The following TRDN variants were observed in gnomAD, a reference collection of about 807,000 sequenced individuals.
TRDN encodes triadin.
In TRDN, 161 loss-of-function variants were observed where a neutral mutation model predicts 149.7. That is an observed-to-expected ratio of 1.08 (90% confidence interval 0.95 to 1.23). TRDN has a LOEUF of 1.23. Among genes scored for constraint, TRDN ranks in the 50% most tolerant of loss-of-function variants. The pLI is 0.00. For missense variants in TRDN, 896 were observed against 823.5 expected (o/e 1.09, Z -1.08); for synonymous variants, 294 against 250.5 (o/e 1.17, Z -1.64).
At chr6:123,525,945 C>CAT (rs890710432) in intron 5 of TRDN, among the ~76,000 whole-genome samples, 6 of 152,040 alleles carry the variant, frequency 3.9e-5, no homozygotes, top group East Asian at 1.9e-4. Flanking sequence ...GCGAATGTTA[C>CAT]ATATATATAT....
chr6:123,519,803 C>A (rs1779591467), intron 5 of TRDN, among the ~76,000 whole-genome samples: 1 of 151,532 alleles, frequency 6.6e-6, no homozygotes, highest in African/African-American at 2.4e-5. Flanking sequence ...CTTTGAGGAG[C>A]ATCATTACCT....
intron 5 of TRDN, chr6:123,529,531 GCAA>G (rs1440389693): frequency 3.2e-6 from 2 of 615,790 alleles, no homozygotes; most frequent in East Asian, 3.1e-5. Flanking sequence ...AAAAACAACA[GCAA>G]CAACATGGCA....
chr6:123,443,516 G>T (rs965654334), intron 10 of TRDN, among the ~76,000 whole-genome samples: 11 of 152,052 alleles, frequency 7.2e-5, no homozygotes, highest in Non-Finnish European at 1.6e-4. Flanking sequence ...GGCCTGGCTG[G>T]GCACGGTGGC....
chr6:123,499,422 G>C (rs1460605275), intron 8 of TRDN, among the ~76,000 whole-genome samples: 1 of 151,684 alleles, frequency 6.6e-6, no homozygotes, highest in East Asian at 1.9e-4. Context: ...TTCCACATTG[G>C]AGCATTCAAC....
At chr6:123,478,061 TA>T (rs1237107250) in intron 9 of TRDN, among the ~76,000 whole-genome samples, 6 of 125,302 alleles carry the variant, frequency 4.8e-5, no homozygotes, top group South Asian at 2.7e-4. Context: ...AGTATAATAA[TA>T]AAAAAAAAGA....
At chr6:123,267,007 T>C (rs1300641339) in intron 32 of TRDN, among the ~76,000 whole-genome samples, 2 of 138,722 alleles carry the variant, frequency 1.4e-5, no homozygotes, top group Non-Finnish European at 3.0e-5. Flanking sequence ...CTCGGGAGGC[T>C]GAGGTAGGAG....
intron 5 of TRDN, among the ~76,000 whole-genome samples, chr6:123,523,199 A>G (rs556476949): frequency 3.7e-4 from 57 of 152,264 alleles, no homozygotes; most frequent in African/African-American, 1.3e-3. Flanking sequence ...GGCTTTTGCC[A>G]AGGGACTACA....
Position 123,255,114 on chromosome 6 carries a change from T to C in TRDN, c.1918A>G (p.Lys640Glu). ...ACATTGTGTAATTGAAGACTTTCTT[T>C]TCTTGTTGAGACTGTTAATAAGGAA... ...HLREEKVSTR[K>E]ESLQLHNVTK... Residue 640 changes from lysine to glutamate, a missense_variant, in exon 37 of 41, where the codon AAA (lysine) becomes GAA (glutamate). By Grantham distance (56) the Lys-to-Glu change is moderately conservative (BLOSUM62 1). Transcript: ENST00000334268. 4.4e-6 allele frequency: 6 copies of C among 1,363,988 alleles called. No individual in the cohort carries two copies. Among genetic ancestry groups the C allele is most frequent in the Non-Finnish European group, 6.0e-6 (6 of 1,004,632 alleles). The allele number at this position is 1,363,988 out of a possible 1,614,324, so 84.5% of individuals were successfully genotyped here.
chr6:123,433,233 G>T (rs1364360450), intron 12 of TRDN, among the ~76,000 whole-genome samples: 1 of 145,614 alleles, frequency 6.9e-6, no homozygotes, highest in African/African-American at 2.5e-5. Flanking sequence ...CAATACATCA[G>T]ATCTCAATTT....
intron 12 of TRDN, among the ~76,000 whole-genome samples, chr6:123,421,314 G>T (rs1311931633): frequency 6.6e-6 from 1 of 151,932 alleles, no homozygotes; most frequent in Non-Finnish European, 1.5e-5. Flanking sequence ...TATTTCTCTT[G>T]GTCTCTTGCC....
At chr6:123,518,843 G>C (rs1471979759) in intron 5 of TRDN, among the ~76,000 whole-genome samples, 1 of 152,126 alleles carries the variant, frequency 6.6e-6, no homozygotes, top group African/African-American at 2.4e-5. Flanking sequence ...AGCCACTGAA[G>C]CTCCTTGGAC....
At chr6:123,294,092 T>G (rs1458369680) in intron 24 of TRDN, among the ~76,000 whole-genome samples, 1 of 152,184 alleles carries the variant, frequency 6.6e-6, no homozygotes, top group Non-Finnish European at 1.5e-5. Flanking sequence ...AATGTAGTTT[T>G]TGATAATAGA....
Position 123,624,598 on chromosome 6 carries a change from C to T in TRDN, c.22+12156G>A, listed in dbSNP as rs184343028. On this transcript the variant is annotated intron_variant, in intron 1 of 40. Coordinates refer to ENST00000334268, the MANE Select transcript of TRDN (RefSeq NM_006073.4). ...GCTTTTACAGCAACTCTTGACAAGACCACTGGCCTGACCACTAGTTCTCAT... is the reference window on the plus strand; with the variant it reads ...GCTTTTACAGCAACTCTTGACAAGATCACTGGCCTGACCACTAGTTCTCAT... 1.1e-4 allele frequency among the ~76,000 whole-genome samples: 17 copies of T among 152,250 alleles called. No individual in the cohort carries two copies. The East Asian group carries it at 3.1e-3, about 28-fold the overall frequency.
At chr6:123,237,450 A>C (rs1392814733) in intron 38 of TRDN, among the ~76,000 whole-genome samples, 3 of 152,046 alleles carry the variant, frequency 2.0e-5, no homozygotes, top group African/African-American at 7.2e-5. Context: ...GAGTTTCACC[A>C]TCTTGGCCGG....
chr6:123,634,305 G>A (rs1786175965), intron 1 of TRDN, among the ~76,000 whole-genome samples: 1 of 151,834 alleles, frequency 6.6e-6, no homozygotes, highest in Non-Finnish European at 1.5e-5. Context: ...GCCAGGCATG[G>A]TGGTGCACAC....
At chr6:123,418,599 A>G (rs1483878936) in intron 12 of TRDN, 1 of 152,094 alleles carries the variant, frequency 6.6e-6, no homozygotes, top group Non-Finnish European at 1.5e-5. Context: ...GGTGGCTACA[A>G]GAATCTCAGA....
intron 21 of TRDN, 22 bp from the exon 22 acceptor site, chr6:123,337,691 GA>G: frequency 2.1e-6 from 3 of 1,411,576 alleles, no homozygotes; most frequent in Non-Finnish European, 2.9e-6. Flanking sequence ...ATCATGGGAA[GA>G]AAAAGTTACA....
intron 1 of TRDN, among the ~76,000 whole-genome samples, chr6:123,612,030 GA>G (rs1784840185): frequency 6.6e-6 from 1 of 151,838 alleles, no homozygotes; most frequent in South Asian, 2.1e-4. Flanking sequence ...CGATGTTCAA[GA>G]TTAGTGTTCT....
chr6:123,377,438 G>C (rs1781550754), intron 18 of TRDN, among the ~76,000 whole-genome samples: 1 of 152,176 alleles, frequency 6.6e-6, no homozygotes, highest in South Asian at 2.1e-4. Flanking sequence ...AGTAGGTCTT[G>C]AGTGGGGCCA....
Sources: gnomAD v4.1 joint callset for allele counts (sites outside exome capture counted in the v4.1 genomes callset) on GRCh38, gnomAD v4.1.1 for gene constraint, MANE v1.5 for transcripts, NCBI Gene and HGNC (gene_info 2026-07-23, HGNC 2026-07-21) for gene names.